TSHZ2: variants seen among roughly 807,000 people sequenced by gnomAD.
The protein encoded by TSHZ2 is teashirt homolog 2.
Under a neutral mutation model 74.4 loss-of-function variants are expected in TSHZ2, and 21 were observed. The ratio of observed to expected loss-of-function variants is 0.28; its 90% CI spans 0.20 to 0.41. The LOEUF (loss-of-function observed/expected upper bound fraction) is 0.41. Among genes scored for constraint, TSHZ2 ranks in the 10% least tolerant of loss-of-function variants. The probability of loss-of-function intolerance (pLI) is 1.00; values close to 1 mark genes in which losing one functional copy is unlikely to be tolerated. For synonymous variants in TSHZ2, 540 were observed against 515.3 expected, an observed-to-expected ratio of 1.05 and a Z score of -0.65; for missense variants, 1,244 against 1,293.5, an observed-to-expected ratio of 0.96 and a Z score of 0.59.
At chr20:53,406,918 C>T (rs964149460) in intron 2 of TSHZ2, among the ~76,000 whole-genome samples, 3 of 152,144 alleles carry the variant, frequency 2.0e-5, no homozygotes, top group African/African-American at 7.2e-5. Flanking sequence ...GTCAACTGGT[C>T]CCACGTCTTC....
chr20:53,384,810 G>A lies in TSHZ2; in HGVS notation c.*9-102334G>A, dbSNP rs1383034267. Among the ~76,000 whole-genome samples, 3 of 152,290 alleles carry A rather than the reference G, an allele frequency of 2.0e-5. No individual in the cohort carries two copies. In the East Asian group the frequency reaches 5.8e-4, roughly 29 times the overall value. On this transcript the variant is annotated intron_variant, in intron 2 of 2. Transcript: ENST00000371497. ...TCTAAGTCTACAATTAAATGACATTGTACTTTCTCATTTTAAAACATAAAG... is the reference window on the plus strand; with the variant it reads ...TCTAAGTCTACAATTAAATGACATTATACTTTCTCATTTTAAAACATAAAG...
At chr20:53,193,567 C>G (rs1988792572) in intron 1 of TSHZ2, among the ~76,000 whole-genome samples, 1 of 152,106 alleles carries the variant, frequency 6.6e-6, no homozygotes, top group South Asian at 2.1e-4. Flanking sequence ...CATCACTGTT[C>G]CCCAAATCTA....
In TSHZ2 at chr20:53,096,023, G is replaced by A. The variant is rs568817795; in HGVS notation, c.40+122690G>A. 4.4e-4 allele frequency among the ~76,000 whole-genome samples: 67 copies of A among 152,230 alleles called. 1 individual carries two copies. In the South Asian group the frequency reaches 7.3e-3, roughly 16 times the overall value. ...GGGGAAGGTTGTCAGAACCCCAAAG[G>A]GCCCAGCCAATCCTATCAGCAGAAG... is the stretch of plus-strand genomic sequence containing the variant. On this transcript the variant is annotated intron_variant, in intron 1 of 2. Transcript: ENST00000371497.
rs1464869370 is a variant in TSHZ2, at chr20:53,408,741, G to A, written c.*9-78403G>A. Among the ~76,000 whole-genome samples the A allele has an allele frequency of 2.6e-5, 4 of 152,292 alleles. No homozygotes were observed. In the East Asian group the frequency reaches 7.7e-4, roughly 29 times the overall value. ...ATATTGAGATCGGACACTTTGATCCGAATGGAACCTGACTGCCTGATACAA... is the reference window on the plus strand; with the variant it reads ...ATATTGAGATCGGACACTTTGATCCAAATGGAACCTGACTGCCTGATACAA... On this transcript the variant is annotated intron_variant, in intron 2 of 2. Coordinates refer to ENST00000371497, the MANE Select transcript of TSHZ2 (RefSeq NM_173485.6).
At chr20:53,318,336 A>G (rs1979109050) in intron 2 of TSHZ2, among the ~76,000 whole-genome samples, 4 of 152,132 alleles carry the variant, frequency 2.6e-5, no homozygotes, top group Admixed American at 2.6e-4. Flanking sequence ...CTCCCCATAA[A>G]TGCACCCAAA....
intron 1 of TSHZ2, among the ~76,000 whole-genome samples, chr20:52,982,760 G>A (rs1418009404): frequency 6.6e-6 from 1 of 152,116 alleles, no homozygotes; most frequent in East Asian, 1.9e-4. Flanking sequence ...AGAGTATGAT[G>A]GAGGGTTGCC....
chr20:53,349,013 T>C (rs1222582091), intron 2 of TSHZ2, among the ~76,000 whole-genome samples: 1 of 152,196 alleles, frequency 6.6e-6, no homozygotes, highest in East Asian at 1.9e-4. Flanking sequence ...GCTTCACTAG[T>C]CTTTATTCTA....
chr20:53,175,262 T>C (rs924171790), intron 1 of TSHZ2, among the ~76,000 whole-genome samples: 1 of 147,236 alleles, frequency 6.8e-6, no homozygotes, highest in Admixed American at 6.9e-5. Flanking sequence ...TGCCTCAGCC[T>C]CCCGAGTAGC....
At chr20:53,312,066 G>A (rs1266053835) in intron 2 of TSHZ2, among the ~76,000 whole-genome samples, 1 of 152,052 alleles carries the variant, frequency 6.6e-6, no homozygotes, top group Admixed American at 6.5e-5. Flanking sequence ...GGGTGACAGA[G>A]GGAGATCCTG....
intron 1 of TSHZ2, among the ~76,000 whole-genome samples, chr20:53,079,288 A>T (rs1423222779): frequency 6.6e-6 from 1 of 152,216 alleles, no homozygotes; most frequent in Non-Finnish European, 1.5e-5. Flanking sequence ...CATTCACAGT[A>T]GACCAATGGG....
intron 2 of TSHZ2, among the ~76,000 whole-genome samples, chr20:53,414,663 A>T (rs1983174072): frequency 6.6e-6 from 1 of 152,204 alleles, no homozygotes; most frequent in Non-Finnish European, 1.5e-5. Flanking sequence ...ATCTCTTAAA[A>T]AAAATTTTAT....
intron 1 of TSHZ2, among the ~76,000 whole-genome samples, chr20:53,010,249 T>TC (rs1982801627): frequency 1.3e-5 from 2 of 152,130 alleles, no homozygotes; most frequent in African/African-American, 4.8e-5. Context: ...TTTGAGAACA[T>TC]CCCTCTATTC....
chr20:53,486,667 ACT>A (rs1345827418), intron 2 of TSHZ2, among the ~76,000 whole-genome samples: 4 of 152,136 alleles, frequency 2.6e-5, no homozygotes, highest in African/African-American at 4.8e-5. Context: ...ACAAAGCGAG[ACT>A]CTGTCTCAAA....
intron 2 of TSHZ2, among the ~76,000 whole-genome samples, chr20:53,372,931 A>G (rs1190530174): frequency 6.6e-6 from 1 of 152,222 alleles, no homozygotes; most frequent in African/African-American, 2.4e-5. Context: ...CCCAGGGAAT[A>G]AAGGACTTCA....
intron 1 of TSHZ2, among the ~76,000 whole-genome samples, chr20:53,169,528 C>T (rs1444523224): frequency 6.6e-6 from 1 of 152,144 alleles, no homozygotes; most frequent in Non-Finnish European, 1.5e-5. Flanking sequence ...CCTTTTCTTC[C>T]AGCTCTCTTT....
chr20:53,402,053 G>T (rs2145681309), intron 2 of TSHZ2, among the ~76,000 whole-genome samples: 1 of 152,210 alleles, frequency 6.6e-6, no homozygotes, highest in East Asian at 1.9e-4. Context: ...AAAGTGCCGG[G>T]ATTACAGGCG....
chr20:53,326,280 A>G (rs1183926866), intron 2 of TSHZ2, among the ~76,000 whole-genome samples: 1 of 152,234 alleles, frequency 6.6e-6, no homozygotes, highest in African/African-American at 2.4e-5. Context: ...CAAATATTCC[A>G]TGATTGCCTG....
intron 1 of TSHZ2, chr20:53,185,627 GA>G: frequency 1.3e-6 from 2 of 1,533,916 alleles, no homozygotes; most frequent in Non-Finnish European, 1.7e-6. Flanking sequence ...CTCAAAAAAA[GA>G]AAAAAAAGAA....
intron 1 of TSHZ2, among the ~76,000 whole-genome samples, chr20:53,205,127 T>G (rs1989134905): frequency 6.7e-6 from 1 of 148,962 alleles, no homozygotes; most frequent in African/African-American, 2.5e-5. Context: ...TTGCTAAGAG[T>G]CACACAGTTA....
Sources: gnomAD v4.1 joint callset for allele counts (sites outside exome capture counted in the v4.1 genomes callset) on GRCh38, gnomAD v4.1.1 for gene constraint, MANE v1.5 for transcripts, NCBI Gene and HGNC (gene_info 2026-07-23, HGNC 2026-07-21) for gene names.